CNBD1: variants seen among roughly 807,000 people sequenced by gnomAD.
CNBD1 encodes the protein cyclic nucleotide binding domain containing 1.
In CNBD1, 71 loss-of-function variants were observed where a neutral mutation model predicts 54.4. That is an observed-to-expected ratio of 1.30 (90% CI 1.08 to 1.59). The LOEUF (loss-of-function observed/expected upper bound fraction) is 1.59. Ranked by LOEUF, CNBD1 falls within the 40% of genes most tolerant of loss-of-function variation. The pLI, the probability that CNBD1 is intolerant of heterozygous loss-of-function variation, is 0.00. For missense variants in CNBD1, 659 were observed against 518.0 expected (o/e 1.27, Z -2.64); for synonymous variants, 182 against 170.7 (o/e 1.07, Z -0.51).
intron 8 of CNBD1, among the ~76,000 whole-genome samples, chr8:87,350,175 T>A (rs922113777): frequency 2.0e-5 from 3 of 152,306 alleles, no homozygotes; most frequent in African/African-American, 7.2e-5. Context: ...GAGAAAAATC[T>A]GTGAGAAAAT....
intron 4 of CNBD1, among the ~76,000 whole-genome samples, chr8:87,048,164 C>A (rs1466246327): frequency 6.6e-6 from 1 of 152,022 alleles, no homozygotes; most frequent in African/African-American, 2.4e-5. Context: ...AGGGAAGAGT[C>A]TTCACTAACA....
chr8:87,055,538 A>G (rs1327541719), intron 4 of CNBD1, among the ~76,000 whole-genome samples: 1 of 152,204 alleles, frequency 6.6e-6, no homozygotes, highest in South Asian at 2.1e-4. Flanking sequence ...ACAAAGAACA[A>G]AAGGCTTCTA....
chr8:87,033,998 A>G (rs1809853472), intron 4 of CNBD1, among the ~76,000 whole-genome samples: 1 of 152,204 alleles, frequency 6.6e-6, no homozygotes, highest in African/African-American at 2.4e-5. Flanking sequence ...ATCCACAAAA[A>G]AAAGCTGTGT....
chr8:87,406,021 A>G (rs1807646091), intron 2 of CNBD1, among the ~76,000 whole-genome samples: 1 of 152,138 alleles, frequency 6.6e-6, no homozygotes, highest in Admixed American at 6.6e-5. Flanking sequence ...ATATTTCTCT[A>G]TGGATATTGA....
At chr8:87,269,760 G>A (rs1395751857) in intron 6 of CNBD1, among the ~76,000 whole-genome samples, 1 of 151,980 alleles carries the variant, frequency 6.6e-6, no homozygotes, top group Non-Finnish European at 1.5e-5. Context: ...TTCCAAAATT[G>A]AATCAGCAAT....
chr8:87,321,870 G>A (rs1445426045), intron 8 of CNBD1, among the ~76,000 whole-genome samples: 6 of 146,024 alleles, frequency 4.1e-5, no homozygotes, highest in Non-Finnish European at 9.0e-5. Flanking sequence ...AGTTACATAT[G>A]TATACATGTG....
intron 3 of CNBD1, among the ~76,000 whole-genome samples, chr8:86,929,942 C>T (rs960944889): frequency 6.6e-6 from 1 of 152,158 alleles, no homozygotes; most frequent in Non-Finnish European, 1.5e-5. Flanking sequence ...GAGCTATTCC[C>T]ACTCTCTCTG....
At position 87,226,440 on chromosome 8, in the gene CNBD1, G is replaced by A. The variant is rs1322336905; in HGVS notation, c.578-10479G>A. On this transcript the variant is annotated intron_variant, in intron 5 of 10. Coordinates refer to ENST00000518476, the MANE Select transcript of CNBD1 (RefSeq NM_173538.3). ...CGTCCCAGAGATTCTGGTATGTTGT[G>A]TCTTTGTTCTCGTTGGTTTCAAAGA... 5.4e-5 allele frequency among the ~76,000 whole-genome samples: 8 copies of A among 149,380 alleles called. No individual in the cohort carries two copies. The East Asian group carries it at 1.6e-3, about 29-fold the overall frequency.
intron 8 of CNBD1, among the ~76,000 whole-genome samples, chr8:87,329,680 T>G (rs1002243520): frequency 6.6e-5 from 10 of 152,136 alleles, no homozygotes; most frequent in Admixed American, 4.6e-4. Context: ...ATATTATGTT[T>G]TTAATTTGAA....
chr8:87,041,134 G>A (rs986965104), intron 4 of CNBD1, among the ~76,000 whole-genome samples: 1 of 152,042 alleles, frequency 6.6e-6, no homozygotes, highest in Non-Finnish European at 1.5e-5. Flanking sequence ...GCAATAAAAG[G>A]TATGTAAATA....
In CNBD1 at chr8:87,136,426, T is replaced by G. The variant is rs1053197321; in HGVS notation, c.432-69567T>G. On this transcript the variant is annotated intron_variant, in intron 4 of 10. Coordinates refer to ENST00000518476, the MANE Select transcript of CNBD1 (RefSeq NM_173538.3). ...GATTTTTATGGGAAATTTATAGGCT[T>G]AGAAAGCTATAATTCATTTTATTAA... Among the ~76,000 whole-genome samples the G allele has an allele frequency of 2.0e-5, 3 of 147,696 alleles. No homozygotes were observed. In the East Asian group the frequency reaches 5.9e-4, roughly 29 times the overall value.
At chr8:87,137,342 G>T (rs141556806) in intron 4 of CNBD1, among the ~76,000 whole-genome samples, 2 of 150,820 alleles carry the variant, frequency 1.3e-5, no homozygotes, top group Non-Finnish European at 2.9e-5. Context: ...GACTACAGGC[G>T]CCAGCCACCA....
intron 4 of CNBD1, among the ~76,000 whole-genome samples, chr8:86,985,290 T>C (rs540340703): frequency 4.8e-4 from 73 of 152,214 alleles, no homozygotes; most frequent in African/African-American, 1.7e-3. Context: ...TTGTCAGCAG[T>C]GTGAAAGCAG....
At chr8:86,984,137 G>C (rs1808551166) in intron 4 of CNBD1, among the ~76,000 whole-genome samples, 1 of 152,180 alleles carries the variant, frequency 6.6e-6, no homozygotes, top group Non-Finnish European at 1.5e-5. Context: ...ATGACTAAAA[G>C]TGGCAAACAT....
intron 4 of CNBD1, among the ~76,000 whole-genome samples, chr8:87,129,680 A>G (rs947766780): frequency 6.6e-6 from 1 of 152,042 alleles, no homozygotes; most frequent in Admixed American, 6.6e-5. Context: ...GCATTTAAAG[A>G]TATCTATTTC....
At chr8:86,893,205 C>T (rs1259867034) in intron 2 of CNBD1, among the ~76,000 whole-genome samples, 4 of 152,274 alleles carry the variant, frequency 2.6e-5, no homozygotes, top group Middle Eastern at 3.4e-3. Flanking sequence ...AAGTTGGAGG[C>T]TTATAATTCA....
intron 6 of CNBD1, among the ~76,000 whole-genome samples, chr8:87,242,845 A>T (rs1175231489): frequency 6.6e-6 from 1 of 152,194 alleles, no homozygotes; most frequent in Non-Finnish European, 1.5e-5. Flanking sequence ...AATTGTTGAT[A>T]TTTATATTCT....
In CNBD1 at chr8:87,156,370, A is replaced by G. The variant is rs56413134; in HGVS notation, c.432-49623A>G. ...AACGATTCTCGTGCCTCAGCCTTCC[A>G]TGTAGCTGGAATTACAGGCACGTAC... On this transcript the variant is annotated intron_variant, in intron 4 of 10. Transcript: ENST00000518476. Among the ~76,000 whole-genome samples, 972 of 149,010 alleles carry G rather than the reference A, an allele frequency of 6.5e-3. 15 individuals carry two copies. The highest frequency in any genetic ancestry group is 0.023 in the African/African-American group (919 of 40,064).
rs571145012 is a variant in CNBD1 at position 87,020,911 on chromosome 8, A to G, written c.431+81157A>G. Reference sequence around the variant, plus strand: ...GCTATCCAAAAAGCTTCCTCTGCACAATAAAACTTGGCCTCCACAATCCTT... The same window carrying G: ...GCTATCCAAAAAGCTTCCTCTGCACGATAAAACTTGGCCTCCACAATCCTT... On this transcript the variant is annotated intron_variant, in intron 4 of 10. Coordinates refer to ENST00000518476, the MANE Select transcript of CNBD1 (RefSeq NM_173538.3). Among the ~76,000 whole-genome samples, 17 of 152,326 alleles carry G rather than the reference A, an allele frequency of 1.1e-4. No homozygotes were observed. The South Asian group carries it at 1.4e-3, about 13-fold the overall frequency.
Sources: allele counts gnomAD v4.1 joint callset (sites outside exome capture counted in the v4.1 genomes callset), GRCh38; gene constraint gnomAD v4.1.1; transcripts MANE v1.5; gene names NCBI Gene and HGNC (gene_info 2026-07-23, HGNC 2026-07-21).